The following MAML3 variants were observed in gnomAD, a reference collection of about 807,000 sequenced individuals.
MAML3 encodes the protein mastermind-like protein 3.
In MAML3, 27 loss-of-function variants were observed where a neutral mutation model predicts 101.9. The ratio of observed to expected loss-of-function variants is 0.27; its 90% CI spans 0.20 to 0.37. The LOEUF (loss-of-function observed/expected upper bound fraction) is 0.37, where lower values mean the gene tolerates loss of function less well. Among genes scored for constraint, MAML3 ranks in the 10% least tolerant of loss-of-function variants. The pLI is 1.00. For missense variants in MAML3, 1,316 were observed against 1,444.9 expected, an observed-to-expected ratio of 0.91 and a Z score of 1.45; for synonymous variants, 501 against 555.9, an observed-to-expected ratio of 0.90 and a Z score of 1.39.
chr4:140,006,471 A>T (rs1343922889), intron 1 of MAML3, among the ~76,000 whole-genome samples: 2 of 151,726 alleles, frequency 1.3e-5, no homozygotes, highest in East Asian at 3.9e-4. Context: ...CTGTAATCCC[A>T]GTTACTCTGG....
chr4:139,926,561 C>A (rs184741792), intron 1 of MAML3, among the ~76,000 whole-genome samples: 6 of 152,346 alleles, frequency 3.9e-5, no homozygotes, highest in African/African-American at 1.4e-4. Flanking sequence ...GATCGCACCA[C>A]TGCACTCCAG....
intron 2 of MAML3, among the ~76,000 whole-genome samples, chr4:139,839,677 A>G (rs1731326993): frequency 6.6e-6 from 1 of 152,088 alleles, no homozygotes; most frequent in Admixed American, 6.5e-5. Flanking sequence ...TAAATTCATC[A>G]CTCATGGGCT....
chr4:140,126,580 G>A (rs972848729), intron 1 of MAML3, among the ~76,000 whole-genome samples: 14 of 152,098 alleles, frequency 9.2e-5, no homozygotes, highest in Admixed American at 9.2e-4. Context: ...GTTTCCCAAA[G>A]TTCCTGCCAT....
chr4:139,950,903 G>T, intron 1 of MAML3, among the ~76,000 whole-genome samples: 1 of 152,220 alleles, frequency 6.6e-6, no homozygotes, highest in Middle Eastern at 3.4e-3. Flanking sequence ...AGAGGCCATC[G>T]GGTTACTAAA....
intron 1 of MAML3, among the ~76,000 whole-genome samples, chr4:140,023,740 A>G (rs776320288): frequency 5.3e-5 from 8 of 152,246 alleles, no homozygotes; most frequent in Non-Finnish European, 1.2e-4. Flanking sequence ...CTTTAGGTCT[A>G]CACTCTTAGG....
rs1245267243 is a variant in MAML3 at position 139,716,767 on chromosome 4, CTTTTAT to C, written c.*2550_*2555del. On this transcript the variant is annotated 3_prime_UTR_variant, in exon 5 of 5. Coordinates refer to ENST00000509479, the MANE Select transcript of MAML3 (RefSeq NM_018717.5). ...TATACTTTGGATTGATTCAGATAATCTTTTATTTTTGTTTTTGTTTTCTTTAAAAGT... is the reference window on the plus strand; with the variant it reads ...TATACTTTGGATTGATTCAGATAATCTTTTGTTTTTGTTTTCTTTAAAAGT... 1 of 152,428 alleles carries C rather than the reference CTTTTAT, an allele frequency of 6.6e-6. No homozygotes were observed. The highest frequency in any genetic ancestry group is 1.5e-5 in the Non-Finnish European group (1 of 68,040). The allele number at this position is 152,428 out of a possible 1,614,324, so 9.4% of individuals were successfully genotyped here.
chr4:140,065,704 G>T (rs1044530686), intron 1 of MAML3, among the ~76,000 whole-genome samples: 1 of 152,194 alleles, frequency 6.6e-6, no homozygotes, highest in Non-Finnish European at 1.5e-5. Context: ...AAAGTTACAA[G>T]TTGTATTCCC....
At chr4:140,105,817 G>A (rs1460573986) in intron 1 of MAML3, among the ~76,000 whole-genome samples, 2 of 152,014 alleles carry the variant, frequency 1.3e-5, no homozygotes, top group Non-Finnish European at 2.9e-5. Context: ...GGATAAGGAT[G>A]CTGGATTCCT....
chr4:139,896,339 T>A (rs2111206506), intron 1 of MAML3, among the ~76,000 whole-genome samples: 1 of 152,340 alleles, frequency 6.6e-6, no homozygotes, highest in African/African-American at 2.4e-5. Flanking sequence ...CCTCTTAGTA[T>A]GACTGCACCC....
At chr4:140,138,379 C>G (rs72935801) in intron 1 of MAML3, among the ~76,000 whole-genome samples, 5,498 of 152,252 alleles carry the variant, frequency 0.036, 311 homozygotes, top group African/African-American at 0.12. Flanking sequence ...CAGCTGCAAA[C>G]CATTTAAGAA....
intron 1 of MAML3, among the ~76,000 whole-genome samples, chr4:139,918,895 T>C (rs1733074944): frequency 6.6e-6 from 1 of 152,048 alleles, no homozygotes; most frequent in African/African-American, 2.4e-5. Context: ...CGCGCATACC[T>C]CAGGCCTGCA....
chr4:139,937,679 C>A (rs569542393), intron 1 of MAML3, among the ~76,000 whole-genome samples: 1 of 152,108 alleles, frequency 6.6e-6, no homozygotes. Context: ...TGAGCCACTG[C>A]GCCTGGCCAG....
intron 2 of MAML3, among the ~76,000 whole-genome samples, chr4:139,846,606 C>T (rs1031871097): frequency 6.6e-6 from 1 of 152,140 alleles, no homozygotes; most frequent in African/African-American, 2.4e-5. Flanking sequence ...CCCTGGCCTC[C>T]CAAAGTGCAG....
At chr4:140,117,663 A>G (rs1296662316) in intron 1 of MAML3, among the ~76,000 whole-genome samples, 1 of 151,530 alleles carries the variant, frequency 6.6e-6, no homozygotes, top group Non-Finnish European at 1.5e-5. Context: ...ATATATATAT[A>G]CACATATATA....
At chr4:140,060,361 G>C (rs1421600708) in intron 1 of MAML3, among the ~76,000 whole-genome samples, 1 of 584 alleles carries the variant, frequency 1.7e-3, no homozygotes, top group African/African-American at 2.2e-3. Flanking sequence ...GTAAGACTCT[G>C]TCTCAAAAAA....
At chr4:140,119,621 C>CCCTT (rs1490769473) in intron 1 of MAML3, among the ~76,000 whole-genome samples, 15 of 135,774 alleles carry the variant, frequency 1.1e-4, no homozygotes, top group South Asian at 8.2e-4. Flanking sequence ...CTTCCTTCCT[C>CCCTT]CCTTCCTTTT....
chr4:140,035,775 T>C (rs1435890599), intron 1 of MAML3, among the ~76,000 whole-genome samples: 1 of 138,218 alleles, frequency 7.2e-6, no homozygotes, highest in Non-Finnish European at 1.6e-5. Context: ...AGAGCGAGAC[T>C]CCGTCTCAAA....
intron 2 of MAML3, among the ~76,000 whole-genome samples, chr4:139,783,329 A>G (rs1730249238): frequency 6.6e-6 from 1 of 152,114 alleles, no homozygotes; most frequent in African/African-American, 2.4e-5. Context: ...CTGCTCCTGG[A>G]GTCAGGTCCT....
chr4:140,139,350 T>A (rs1163714525), intron 1 of MAML3, among the ~76,000 whole-genome samples: 3 of 152,124 alleles, frequency 2.0e-5, no homozygotes, highest in African/African-American at 7.2e-5. Flanking sequence ...TTGCCACATT[T>A]TTCTTTAAAG....
Sources: gnomAD v4.1 joint callset for allele counts (sites outside exome capture counted in the v4.1 genomes callset) on GRCh38, gnomAD v4.1.1 for gene constraint, MANE v1.5 for transcripts, NCBI Gene and HGNC (gene_info 2026-07-23, HGNC 2026-07-21) for gene names.